TRPM3: variants seen among roughly 807,000 people sequenced by gnomAD.
TRPM3 encodes the protein transient receptor potential cation channel subfamily M member 3.
In TRPM3, 77 loss-of-function variants were observed where a neutral mutation model predicts 181.2. That is an observed-to-expected ratio of 0.42 (90% CI 0.35 to 0.51). The LOEUF (loss-of-function observed/expected upper bound fraction) is 0.51. Ranked by LOEUF, TRPM3 falls within the 20% of genes least tolerant of loss-of-function variation. The pLI is 0.01. For missense variants in TRPM3, 1,759 were observed against 2,196.7 expected (o/e 0.80, Z 3.98); for synonymous variants, 745 against 796.4 (o/e 0.94, Z 1.09).
chr9:70,546,371 C>T (rs532047684), intron 25 of TRPM3, among the ~76,000 whole-genome samples: 28 of 152,274 alleles, frequency 1.8e-4, no homozygotes, highest in African/African-American at 6.7e-4. Context: ...ACCCAGCAAC[C>T]TGTGTTGTAA....
intron 1 of TRPM3, among the ~76,000 whole-genome samples, chr9:71,224,849 C>G (rs188372834): frequency 1.3e-5 from 2 of 151,290 alleles, no homozygotes; most frequent in Non-Finnish European, 2.9e-5. Flanking sequence ...AGTCTCTTAA[C>G]AGCAAAATTG....
chr9:70,768,599 CT>C (rs72538866), intron 7 of TRPM3, among the ~76,000 whole-genome samples: 55,941 of 148,696 alleles, frequency 0.38, 12,566 homozygotes, highest in East Asian at 0.5. Context: ...ACTATCTTTT[CT>C]TTTTTTTTTT....
intron 3 of TRPM3, among the ~76,000 whole-genome samples, chr9:70,855,149 C>T (rs974317369): frequency 2.6e-5 from 4 of 152,156 alleles, no homozygotes; most frequent in African/African-American, 9.7e-5. Flanking sequence ...ATTTGCCTAT[C>T]AAAGCAGAAC....
intron 1 of TRPM3, among the ~76,000 whole-genome samples, chr9:70,984,673 G>T (rs546736858): frequency 1.3e-5 from 2 of 152,298 alleles, no homozygotes; most frequent in East Asian, 3.9e-4. Flanking sequence ...GTGGCCAGGA[G>T]ACAAGGAATG....
At chr9:71,345,063 T>C (rs1284735907) in intron 1 of TRPM3, among the ~76,000 whole-genome samples, 1 of 152,208 alleles carries the variant, frequency 6.6e-6, no homozygotes, top group Non-Finnish European at 1.5e-5. Context: ...CCAGTTTGAA[T>C]GGCGATCATT....
At chr9:71,416,954 T>C (rs1432815331) in intron 1 of TRPM3, among the ~76,000 whole-genome samples, 7 of 152,044 alleles carry the variant, frequency 4.6e-5, no homozygotes, top group Non-Finnish European at 8.8e-5. Context: ...CTGGTTTCTT[T>C]ACTCAGCATA....
intron 1 of TRPM3, among the ~76,000 whole-genome samples, chr9:70,995,200 C>T (rs1051070035): frequency 2.6e-5 from 4 of 152,142 alleles, no homozygotes; most frequent in African/African-American, 9.7e-5. Context: ...TGGGTGCTGA[C>T]TAGTTTTTAA....
At chr9:71,175,319 C>A (rs2077052901) in intron 1 of TRPM3, among the ~76,000 whole-genome samples, 3 of 152,132 alleles carry the variant, frequency 2.0e-5, no homozygotes, top group Non-Finnish European at 4.4e-5. Flanking sequence ...CTAATTCTAC[C>A]CTTTCCTCCC....
chr9:71,264,880 T>A (rs1160394478), intron 1 of TRPM3, among the ~76,000 whole-genome samples: 1 of 152,180 alleles, frequency 6.6e-6, no homozygotes, highest in Non-Finnish European at 1.5e-5. Context: ...AGCATTTCTA[T>A]CCTAAAATAT....
rs2040517447 is a variant in TRPM3, at chr9:70,529,135, G to A, written c.*6818C>T. On this transcript the variant is annotated 3_prime_UTR_variant, in exon 26 of 26. Transcript: ENST00000677713. Reference sequence around the variant, plus strand: ...AGAAATTTCAGAAAGTTTTTCCCGTGGTATCTGCCAACTTCTGCTCTGAAT... The same window carrying A: ...AGAAATTTCAGAAAGTTTTTCCCGTAGTATCTGCCAACTTCTGCTCTGAAT... 6.6e-6 allele frequency: 1 copy of A among 151,728 alleles called. No individual in the cohort carries two copies. The highest frequency in any genetic ancestry group is 6.6e-5 in the Admixed American group (1 of 15,256). The allele number at this position is 151,728 out of a possible 1,614,324, so 9.4% of individuals were successfully genotyped here.
In TRPM3 at chr9:70,537,065, A is replaced by G. The variant is rs1426435771; in HGVS notation, c.4048T>C (p.Ser1350Pro). 3 of 1,612,362 alleles carry G rather than the reference A, an allele frequency of 1.9e-6. No homozygotes were observed. The East Asian group carries it at 6.7e-5, about 36-fold the overall frequency. ...PTLMPRMRSH[S>P]FYSVNMKDKG... ...TCTTTCATATTGACCGAATAGAAAG[A>G]ATGGCTTCGCATACGGGGCATTAAG... The change falls in exon 26 of 26, where the codon TCT (serine) becomes CCT (proline). Residue 1350 changes from serine (S) to proline (P), a missense_variant. Physicochemically the swap from Ser to Pro is moderately conservative, Grantham distance 74. Coordinates refer to ENST00000677713, the MANE Select transcript of TRPM3 (RefSeq NM_001366145.2).
At chr9:70,551,951 T>G (rs2046563161) in intron 24 of TRPM3, among the ~76,000 whole-genome samples, 1 of 152,198 alleles carries the variant, frequency 6.6e-6, no homozygotes, top group Admixed American at 6.5e-5. Context: ...GGGAGGGTGT[T>G]AAGAGCTTCA....
At chr9:70,646,614 T>C (rs1323656888) in intron 9 of TRPM3, among the ~76,000 whole-genome samples, 2 of 152,036 alleles carry the variant, frequency 1.3e-5, no homozygotes, top group African/African-American at 4.8e-5. Flanking sequence ...AAATATCTAA[T>C]GTAGACTATG....
rs1396877394 is a variant in TRPM3, at chr9:71,216,933, CTTTCTTTTT to C, written c.183+229711_183+229719del. Among the ~76,000 whole-genome samples, 246 of 128,796 alleles carry C rather than the reference CTTTCTTTTT, an allele frequency of 1.9e-3. 3 individuals carry two copies. Among genetic ancestry groups the C allele is most frequent in the African/African-American group, 7.4e-3 (235 of 31,630 alleles). 84.5% of individuals were successfully genotyped at this position (128,796 alleles called of 152,430 possible). On this transcript the variant is annotated intron_variant, in intron 1 of 24. Transcript: ENST00000357533. ...TTTTGCACAAGCATAGTCAGTGGCC[CTTTCTTTTT>C]TTTTTTTTTTTTTTTTTTTTTTTTT...
At chr9:71,206,145 G>C (rs2079105722) in intron 1 of TRPM3, among the ~76,000 whole-genome samples, 1 of 152,122 alleles carries the variant, frequency 6.6e-6, no homozygotes, top group South Asian at 2.1e-4. Flanking sequence ...GGTATTTCTG[G>C]TTCTAGATCC....
At chr9:70,685,706 C>G (rs1364981097) in intron 8 of TRPM3, among the ~76,000 whole-genome samples, 2 of 152,122 alleles carry the variant, frequency 1.3e-5, no homozygotes, top group Non-Finnish European at 2.9e-5. Context: ...CATGCCTGGC[C>G]CAATATTATT....
intron 1 of TRPM3, among the ~76,000 whole-genome samples, chr9:71,037,516 C>A (rs1438977288): frequency 6.6e-6 from 1 of 152,186 alleles, no homozygotes; most frequent in African/African-American, 2.4e-5. Context: ...GACACTTATA[C>A]GTGTGTGTGT....
intron 1 of TRPM3, among the ~76,000 whole-genome samples, chr9:71,370,844 C>T (rs1291340821): frequency 1.3e-5 from 2 of 152,172 alleles, no homozygotes; most frequent in African/African-American, 4.8e-5. Flanking sequence ...TTCAAAGTTT[C>T]AAAAGACTGG....
At chr9:71,134,265 A>G (rs545008298) in intron 1 of TRPM3, among the ~76,000 whole-genome samples, 2 of 152,240 alleles carry the variant, frequency 1.3e-5, no homozygotes, top group African/African-American at 4.8e-5. Flanking sequence ...ATTTCCAAAT[A>G]TTCTTAAAAG....
Sources: allele counts gnomAD v4.1 joint callset (sites outside exome capture counted in the v4.1 genomes callset), GRCh38; gene constraint gnomAD v4.1.1; transcripts MANE v1.5; gene names NCBI Gene and HGNC (gene_info 2026-07-23, HGNC 2026-07-21).